The following ADGRV1 variants were observed in gnomAD, a reference collection of about 807,000 sequenced individuals.
ADGRV1 encodes the protein G-protein coupled receptor 98.
Under a neutral mutation model 596.2 loss-of-function variants are expected in ADGRV1, and 359 were observed. The observed-to-expected ratio is 0.60, with a 90% confidence interval of 0.55 to 0.66. ADGRV1 has a LOEUF of 0.66. ADGRV1 is among the 30% of genes least tolerant of loss of function. ADGRV1 has a pLI of 0.00. For missense variants in ADGRV1, 7,274 were observed against 7,575.6 expected, an observed-to-expected ratio of 0.96 and a Z score of 1.48; for synonymous variants, 2,681 against 2,679.2, an observed-to-expected ratio of 1.00 and a Z score of -0.02.
chr5:90,810,220 A>T lies in ADGRV1; in HGVS notation c.14973-13A>T. The T allele has an allele frequency of 6.6e-7, 1 of 1,521,060 alleles. No homozygotes were observed. The allele number at this position is 1,521,060 out of a possible 1,614,324, so 94.2% of individuals were successfully genotyped here. A position where few individuals can be genotyped will look rare whatever the true frequency, so the allele number is the denominator to read the frequency against. ...AAAAAATCAATTTCTTCATGATTTA[A>T]TTTTTTTCCCAGATCAGGTTTCATT... is the stretch of plus-strand genomic sequence containing the variant. On this transcript the variant is annotated splice_polypyrimidine_tract_variant and intron_variant, in intron 73 of 89. Coordinates refer to ENST00000405460, the MANE Select transcript of ADGRV1 (RefSeq NM_032119.4).
At chr5:90,952,530 T>C (rs1334797888) in intron 83 of ADGRV1, among the ~76,000 whole-genome samples, 1 of 152,178 alleles carries the variant, frequency 6.6e-6, no homozygotes, top group Non-Finnish European at 1.5e-5. Context: ...TTCTGGATAC[T>C]TGAAGTTGCT....
At position 90,848,828 on chromosome 5, in the gene ADGRV1, A is replaced by G. The variant is rs569253795; in HGVS notation, c.17204+7A>G. On this transcript the variant is annotated splice_region_variant and intron_variant, in intron 79 of 89. Coordinates refer to ENST00000405460, the MANE Select transcript of ADGRV1 (RefSeq NM_032119.4). Reference sequence around the variant, plus strand: ...GCGGCTCTCCTGGTGAAAAGTAAGTATCTTTTAATATATTAGCAGTACCTT... The same window carrying G: ...GCGGCTCTCCTGGTGAAAAGTAAGTGTCTTTTAATATATTAGCAGTACCTT... 95 of 1,568,288 alleles carry G rather than the reference A, an allele frequency of 6.1e-5. 1 individual carries two copies. The South Asian group carries it at 1.0e-3, about 17-fold the overall frequency.
intron 45 of ADGRV1, among the ~76,000 whole-genome samples, chr5:90,724,234 TTTAG>T (rs1374374685): frequency 2.0e-5 from 3 of 152,174 alleles, no homozygotes; most frequent in Non-Finnish European, 4.4e-5. Context: ...TTAGTATTTA[TTTAG>T]TTAGTTTTTG....
intron 73 of ADGRV1, 89 bp from the exon 74 acceptor site, chr5:90,810,144 G>T: frequency 9.2e-7 from 1 of 1,081,322 alleles, no homozygotes; most frequent in Non-Finnish European, 1.3e-6. Flanking sequence ...CTCATGAGCA[G>T]CATTTTAAAT....
At chr5:91,027,645 TCTC>T (rs1784125934) in intron 85 of ADGRV1, among the ~76,000 whole-genome samples, 2 of 152,148 alleles carry the variant, frequency 1.3e-5, no homozygotes, top group African/African-American at 4.8e-5. Flanking sequence ...TCAGTTTTGT[TCTC>T]CTGCTTTAGT....
chr5:91,092,061 G>T lies in ADGRV1; in HGVS notation c.18311-10158G>T, dbSNP rs553779139. On this transcript the variant is annotated intron_variant, in intron 86 of 89. Transcript: ENST00000405460. ...TGTCAGTAAGTGCTATGAAGAAACT[G>T]AGTTAGAAAAGAGAGAGTGGCAGGG... Among the ~76,000 whole-genome samples, 3 of 152,270 alleles carry T rather than the reference G, an allele frequency of 2.0e-5. No homozygotes were observed. In the South Asian group the frequency reaches 6.2e-4, roughly 32 times the overall value.
At position 90,810,506 on chromosome 5, in the gene ADGRV1, G is replaced by T. The variant is rs1183548134; in HGVS notation, c.15246G>T (p.Gln5082His). 1.2e-6 allele frequency: 2 copies of T among 1,613,754 alleles called. No individual in the cohort carries two copies. Among genetic ancestry groups the T allele is most frequent in the Non-Finnish European group, 1.7e-6 (2 of 1,179,808 alleles). The change falls in exon 74 of 90, where the codon CAG (glutamine) becomes CAT (histidine). Residue 5082 changes from glutamine (Q) to histidine (H), a missense_variant. Coordinates refer to ENST00000405460, the MANE Select transcript of ADGRV1 (RefSeq NM_032119.4). ...VDFEITIIND[Q>H]LSEIEEFFYI... ...TTGAAATAACCATTATTAATGATCA[G>T]CTTTCTGAGATAGAAGAATTTTTTT...
chr5:90,749,124 A>G (rs894792292), intron 52 of ADGRV1, among the ~76,000 whole-genome samples: 2 of 152,184 alleles, frequency 1.3e-5, no homozygotes, highest in African/African-American at 4.8e-5. Flanking sequence ...AGAATGGTAG[A>G]TTTCCCTTTA....
intron 34 of ADGRV1, among the ~76,000 whole-genome samples, chr5:90,700,031 T>G (rs1044243688): frequency 3.3e-5 from 5 of 152,214 alleles, no homozygotes; most frequent in Non-Finnish European, 7.3e-5. Context: ...TTTTTTCTCT[T>G]CATTCCTAAG....
At chr5:90,911,499 A>G (rs1436363728) in intron 83 of ADGRV1, among the ~76,000 whole-genome samples, 2 of 152,208 alleles carry the variant, frequency 1.3e-5, no homozygotes, top group Non-Finnish European at 2.9e-5. Context: ...TGGAAACTAA[A>G]AAGCTAATCT....
intron 11 of ADGRV1, among the ~76,000 whole-genome samples, chr5:90,638,378 T>C (rs1766519610): frequency 6.6e-6 from 1 of 152,026 alleles, no homozygotes; most frequent in Non-Finnish European, 1.5e-5. Context: ...AATAAAATTC[T>C]CTTTTTTACA....
At chr5:90,739,984 G>C (rs1286335007) in intron 50 of ADGRV1, among the ~76,000 whole-genome samples, 4 of 152,152 alleles carry the variant, frequency 2.6e-5, no homozygotes, top group Admixed American at 1.3e-4. Context: ...GGCTTAAGGA[G>C]AGCCCCAGGA....
At chr5:90,909,312 C>G (rs1239809178) in intron 83 of ADGRV1, among the ~76,000 whole-genome samples, 1 of 152,158 alleles carries the variant, frequency 6.6e-6, no homozygotes, top group Non-Finnish European at 1.5e-5. Context: ...ATCTTTTGAC[C>G]ATTCCAAAAT....
chr5:90,595,196 C>T (rs1760163114), intron 1 of ADGRV1, among the ~76,000 whole-genome samples: 1 of 68,606 alleles, frequency 1.5e-5, no homozygotes, highest in African/African-American at 7.6e-5. Context: ...GACTGGGCGG[C>T]TGGCCGGGCG....
At chr5:90,996,164 T>TG (rs113661663) in intron 85 of ADGRV1, among the ~76,000 whole-genome samples, 32,912 of 151,924 alleles carry the variant, frequency 0.22, 3,741 homozygotes, top group East Asian at 0.38. Context: ...GCTAAGACAA[T>TG]GGGGAAAATG....
At chr5:90,890,832 A>G (rs1369908180) in intron 83 of ADGRV1, among the ~76,000 whole-genome samples, 1 of 152,122 alleles carries the variant, frequency 6.6e-6, no homozygotes, top group African/African-American at 2.4e-5. Flanking sequence ...CATCTTCTTC[A>G]ACACTTCGTG....
chr5:90,861,035 A>G (rs1386061108), intron 82 of ADGRV1, among the ~76,000 whole-genome samples: 1 of 152,100 alleles, frequency 6.6e-6, no homozygotes, highest in Non-Finnish European at 1.5e-5. Flanking sequence ...ACTTTCAAAT[A>G]TTGTAGAGAT....
chr5:90,755,714 G>C (rs1487583795), intron 55 of ADGRV1, among the ~76,000 whole-genome samples: 1 of 151,158 alleles, frequency 6.6e-6, no homozygotes, highest in African/African-American at 2.4e-5. Flanking sequence ...GACTATATCA[G>C]TAATGATGCA....
chr5:91,100,418 T>C (rs1791274645), intron 86 of ADGRV1, among the ~76,000 whole-genome samples: 1 of 151,046 alleles, frequency 6.6e-6, no homozygotes, highest in Non-Finnish European at 1.5e-5. Flanking sequence ...AGAAAGACTT[T>C]GTATGACCCT....
Sources: gnomAD v4.1 joint callset for allele counts (sites outside exome capture counted in the v4.1 genomes callset) on GRCh38, gnomAD v4.1.1 for gene constraint, MANE v1.5 for transcripts, NCBI Gene and HGNC (gene_info 2026-07-23, HGNC 2026-07-21) for gene names.